Variants in PDE1A observed in about 807,000 individuals in gnomAD.
PDE1A encodes the protein phosphodiesterase 1A.
PDE1A carries 35 observed loss-of-function variants against 61.7 expected under a neutral mutation model. That is an observed-to-expected ratio of 0.57 (90% CI 0.43 to 0.75). The LOEUF (loss-of-function observed/expected upper bound fraction) is 0.75. PDE1A is among the 30% of genes least tolerant of loss of function. The pLI, the probability that PDE1A is intolerant of heterozygous loss-of-function variation, is 0.00. For missense variants in PDE1A, 597 were observed against 630.6 expected (o/e 0.95, Z 0.57); for synonymous variants, 232 against 213.2 (o/e 1.09, Z -0.77).
chr2:182,422,868 T>A (rs1225955589), intron 1 of PDE1A, among the ~76,000 whole-genome samples: 1 of 152,232 alleles, frequency 6.6e-6, no homozygotes, highest in African/African-American at 2.4e-5. Flanking sequence ...CAGTAATTTG[T>A]TACATGCTGA....
Position 182,509,126 on chromosome 2 carries a change from A to G in PDE1A, c.101+13150T>C, listed in dbSNP as rs370031150. On this transcript the variant is annotated intron_variant, in intron 2 of 14. Coordinates refer to the PDE1A transcript ENST00000410103. ...CTTCTGAAATGGGCACCCAGACATT[A>G]CTGTGCAGGGTTTTCTTGGTTGTTT... Among the ~76,000 whole-genome samples the G allele has an allele frequency of 5.3e-5, 8 of 152,270 alleles. No individual in the cohort carries two copies. The South Asian group carries it at 1.5e-3, about 28-fold the overall frequency.
intron 2 of PDE1A, among the ~76,000 whole-genome samples, chr2:182,259,821 C>T (rs1692095766): frequency 6.6e-6 from 1 of 152,122 alleles, no homozygotes; most frequent in Non-Finnish European, 1.5e-5. Context: ...TGCATGAGGC[C>T]AAAAATGCTA....
At position 182,361,121 on chromosome 2, in the gene PDE1A, T is replaced by G. The variant is rs146315915; in HGVS notation, c.53+65457A>C. 3.1e-3 allele frequency among the ~76,000 whole-genome samples: 478 copies of G among 152,202 alleles called. 2 individuals are homozygous for G. The highest frequency in any genetic ancestry group is 0.011 in the African/African-American group (443 of 41,562). ...GGTCTGATCTGATTCCCCCAAGTAC[T>G]TACAATTAGTGAGTGATAGTGTAAA... On this transcript the variant is annotated intron_variant, in intron 1 of 13. Transcript: ENST00000351439.
At chr2:182,578,251 C>T in the PDE1A span, among the ~76,000 whole-genome samples, 2 of 152,008 alleles carry the variant, frequency 1.3e-5, no homozygotes, top group African/African-American at 4.8e-5. Context: ...CTCTTTTATA[C>T]CTTATGTATC....
the PDE1A span, among the ~76,000 whole-genome samples, chr2:182,626,746 T>TAC: frequency 1.7e-4 from 7 of 40,760 alleles, 1 homozygote; most frequent in African/African-American, 3.2e-4. Flanking sequence ...TACATATATA[T>TAC]ACATATATAT....
At chr2:182,170,407 C>A (rs974806440) in intron 13 of PDE1A, among the ~76,000 whole-genome samples, 1 of 151,904 alleles carries the variant, frequency 6.6e-6, no homozygotes, top group African/African-American at 2.4e-5. Context: ...CTTATGAGCA[C>A]ATTTGTAAGC....
At chr2:182,587,533 T>C in the PDE1A span, among the ~76,000 whole-genome samples, 1 of 152,212 alleles carries the variant, frequency 6.6e-6, no homozygotes, top group Non-Finnish European at 1.5e-5. Context: ...TCTGAAGTTA[T>C]TCCACGTGGT....
chr2:182,218,276 G>T (rs1172196139), intron 7 of PDE1A, among the ~76,000 whole-genome samples: 2 of 117,680 alleles, frequency 1.7e-5, no homozygotes, highest in African/African-American at 3.2e-5. Flanking sequence ...TTGTGGGGTC[G>T]GGGGAGGGGG....
At chr2:182,572,310 T>C in the PDE1A span, among the ~76,000 whole-genome samples, 1 of 152,182 alleles carries the variant, frequency 6.6e-6, no homozygotes, top group East Asian at 1.9e-4. Context: ...TCTCCTCTTC[T>C]GGCAATCTAG....
At chr2:182,252,873 A>G (rs1439158575) in intron 2 of PDE1A, among the ~76,000 whole-genome samples, 1 of 152,190 alleles carries the variant, frequency 6.6e-6, no homozygotes, top group Non-Finnish European at 1.5e-5. Context: ...AATGAGATAA[A>G]AGAGATGGAG....
At chr2:182,412,434 C>T (rs1362722383) in intron 1 of PDE1A, among the ~76,000 whole-genome samples, 2 of 152,176 alleles carry the variant, frequency 1.3e-5, no homozygotes, top group African/African-American at 4.8e-5. Context: ...GTTATTTAAG[C>T]TCACTGAAAT....
At chr2:182,268,658 C>T (rs906731117) in intron 1 of PDE1A, among the ~76,000 whole-genome samples, 1 of 152,098 alleles carries the variant, frequency 6.6e-6, no homozygotes, top group Admixed American at 6.6e-5. Context: ...CAAAAACCCT[C>T]ACATCATCTT....
At chr2:182,584,273 G>A in the PDE1A span, among the ~76,000 whole-genome samples, 7 of 151,888 alleles carry the variant, frequency 4.6e-5, no homozygotes, top group Non-Finnish European at 1.0e-4. Flanking sequence ...GACTTAGAGA[G>A]ACTTCAATTT....
At chr2:182,496,413 AAGC>A (rs1688717357) in intron 2 of PDE1A, among the ~76,000 whole-genome samples, 1 of 152,254 alleles carries the variant, frequency 6.6e-6, no homozygotes, top group Non-Finnish European at 1.5e-5. Flanking sequence ...TAACGAAAAG[AAGC>A]AGTAGAAATA....
intron 1 of PDE1A, among the ~76,000 whole-genome samples, chr2:182,303,322 A>G (rs904283545): frequency 3.3e-5 from 5 of 152,206 alleles, no homozygotes; most frequent in African/African-American, 1.2e-4. Flanking sequence ...ACGTTTTGTT[A>G]GCAGGCATGA....
intron 1 of PDE1A, among the ~76,000 whole-genome samples, chr2:182,381,669 A>T (rs1357280865): frequency 6.6e-6 from 1 of 152,106 alleles, no homozygotes; most frequent in Non-Finnish European, 1.5e-5. Context: ...AAACTTAGCC[A>T]GGCATGGTGG....
the PDE1A span, among the ~76,000 whole-genome samples, chr2:182,672,496 T>C: frequency 6.6e-6 from 1 of 152,176 alleles, no homozygotes; most frequent in East Asian, 1.9e-4. Context: ...ATTAAACAGT[T>C]GTCAACAAAT....
chr2:182,640,828 T>C, the PDE1A span, among the ~76,000 whole-genome samples: 1 of 151,980 alleles, frequency 6.6e-6, no homozygotes, highest in Non-Finnish European at 1.5e-5. Flanking sequence ...AAGACCAGAC[T>C]GGTCAACATA....
chr2:182,653,199 G>A, the PDE1A span, among the ~76,000 whole-genome samples: 2 of 152,126 alleles, frequency 1.3e-5, no homozygotes. Flanking sequence ...TAATATAGCA[G>A]AGCTAATTTA....
Sources: allele counts gnomAD v4.1 joint callset (sites outside exome capture counted in the v4.1 genomes callset), GRCh38; gene constraint gnomAD v4.1.1; transcripts MANE v1.5; gene names NCBI Gene and HGNC (gene_info 2026-07-23, HGNC 2026-07-21).